The following VPS26A variants were observed in gnomAD, a reference collection of about 807,000 sequenced individuals.
VPS26A encodes the protein VPS26 retromer complex component A, also known as vacuolar protein sorting-associated protein 26A.
In VPS26A, 22 loss-of-function variants were observed where a neutral mutation model predicts 42.4. That is an observed-to-expected ratio of 0.52 (90% CI 0.37 to 0.74). The LOEUF (loss-of-function observed/expected upper bound fraction) is 0.74, where lower values mean the gene tolerates loss of function less well. Ranked by LOEUF, VPS26A falls within the 30% of genes least tolerant of loss-of-function variation. The pLI is 0.00. For synonymous variants in VPS26A, 110 were observed against 123.5 expected (o/e 0.89, Z 0.73); for missense variants, 276 against 379.2 (o/e 0.73, Z 2.26).
At chr10:69,133,549 T>G in intron 2 of VPS26A, 1 of 1,289,144 alleles carries the variant, frequency 7.8e-7, no homozygotes, top group South Asian at 1.2e-5. Context: ...GTAGAGGACT[T>G]GAGTACTTTT....
chr10:69,125,147 C>T (rs187954939), intron 1 of VPS26A, among the ~76,000 whole-genome samples: 1 of 152,326 alleles, frequency 6.6e-6, no homozygotes, highest in East Asian at 1.9e-4. Flanking sequence ...CCTAATACTA[C>T]CTGCTCTTCC....
intron 6 of VPS26A, among the ~76,000 whole-genome samples, chr10:69,164,013 C>T (rs1020032840): frequency 1.8e-4 from 27 of 152,032 alleles, no homozygotes; most frequent in Non-Finnish European, 3.7e-4. Flanking sequence ...GTGATCCGCC[C>T]GCCTCAGCCT....
chr10:69,161,682 C>T (rs1450980574), intron 5 of VPS26A: 6 of 364,974 alleles, frequency 1.6e-5, no homozygotes, highest in South Asian at 4.8e-5. Context: ...TTCTTCTTGT[C>T]ATCAACCGGG....
At position 69,133,066 on chromosome 10, in the gene VPS26A, A is replaced by G. The variant is rs769707588; in HGVS notation, c.153+19A>G. On this transcript the variant is annotated intron_variant, in intron 2 of 8. Transcript: ENST00000263559. ...AGGAAAGGTAAATCTTCTGTTTGAC[A>G]AAACTATCTAATTGTAAGATATCAG... 7 of 1,602,326 alleles carry G rather than the reference A, an allele frequency of 4.4e-6. No homozygotes were observed. The highest frequency in any genetic ancestry group is 1.8e-5 in the Admixed American group (1 of 56,682).
rs534432999 is a variant in VPS26A at position 69,140,655 on chromosome 10, G to C, written c.153+7608G>C. Among the ~76,000 whole-genome samples, 35 of 152,274 alleles carry C rather than the reference G, an allele frequency of 2.3e-4. No individual in the cohort carries two copies. In the South Asian group the frequency reaches 6.8e-3, roughly 30 times the overall value. On this transcript the variant is annotated intron_variant, in intron 2 of 8. Coordinates refer to ENST00000263559, the MANE Select transcript of VPS26A (RefSeq NM_004896.5). ...CTGTCTCAGCCTCCCAAAGTGCTGGGATTACAGGTGTGAACCACTGTGCCT... is the reference window on the plus strand; with the variant it reads ...CTGTCTCAGCCTCCCAAAGTGCTGGCATTACAGGTGTGAACCACTGTGCCT...
intron 6 of VPS26A, among the ~76,000 whole-genome samples, chr10:69,163,815 G>A (rs1841618462): frequency 6.7e-6 from 1 of 150,102 alleles, no homozygotes; most frequent in South Asian, 2.1e-4. Flanking sequence ...GCCCAGGCGG[G>A]AGTGCAGTGG....
intron 4 of VPS26A, 61 bp downstream of exon 4, chr10:69,157,224 G>T: frequency 6.7e-7 from 1 of 1,499,236 alleles, no homozygotes; most frequent in South Asian, 1.4e-5. Context: ...GACTACTGTT[G>T]ATATCTTATT....
chr10:69,163,851 C>T (rs67780792), intron 6 of VPS26A, among the ~76,000 whole-genome samples: 26,627 of 149,598 alleles, frequency 0.18, 2,764 homozygotes, highest in Non-Finnish European at 0.23. Context: ...CTGCAAGCTC[C>T]GCCTCCAGGG....
intron 2 of VPS26A, among the ~76,000 whole-genome samples, chr10:69,133,963 A>T (rs1459649437): frequency 6.6e-6 from 1 of 152,182 alleles, no homozygotes; most frequent in African/African-American, 2.4e-5. Flanking sequence ...CTGGGATTAC[A>T]GGTTTGAGCC....
chr10:69,158,519 C>G (rs556794865), intron 5 of VPS26A, among the ~76,000 whole-genome samples: 519 of 151,992 alleles, frequency 3.4e-3, no homozygotes, highest in African/African-American at 0.011. Flanking sequence ...CTCATCCTAG[C>G]CATCTCTTTT....
chr10:69,171,379 CAT>C lies in VPS26A; in HGVS notation c.*115_*116del, dbSNP rs1050030044. Reference sequence around the variant, plus strand: ...AGGGGGCGGAAAAAGGCCAAAACTCCATATATGTTAGTCTTCCTTTATCTTAC... The same window carrying C: ...AGGGGGCGGAAAAAGGCCAAAACTCCATATGTTAGTCTTCCTTTATCTTAC... On this transcript the variant is annotated 3_prime_UTR_variant, in exon 9 of 9. Transcript: ENST00000263559. The C allele has an allele frequency of 3.8e-6, 3 of 796,812 alleles. No homozygotes were observed. Among genetic ancestry groups the C allele is most frequent in the Non-Finnish European group, 6.1e-6 (3 of 488,062 alleles). 49.4% of individuals were successfully genotyped at this position (796,812 alleles called of 1,614,324 possible).
chr10:69,152,017 T>A (rs958587875), intron 2 of VPS26A, among the ~76,000 whole-genome samples: 17 of 152,054 alleles, frequency 1.1e-4, no homozygotes, highest in African/African-American at 3.4e-4. Context: ...CCTTTTTTTT[T>A]AAAGAGGCCT....
At chr10:69,124,923 G>C (rs766500504) in intron 1 of VPS26A, among the ~76,000 whole-genome samples, 2 of 152,198 alleles carry the variant, frequency 1.3e-5, no homozygotes, top group Non-Finnish European at 1.5e-5. Context: ...CCGTCCGCAA[G>C]CTATTTCGCT....
intron 3 of VPS26A, 110 bp from the exon 4 acceptor site, chr10:69,156,897 C>G (rs1419787192): frequency 7.7e-6 from 8 of 1,033,110 alleles, no homozygotes; most frequent in Non-Finnish European, 1.1e-5. Context: ...TTATTAGAGA[C>G]AAACTCAATA....
At chr10:69,139,894 A>G (rs992421958) in intron 2 of VPS26A, among the ~76,000 whole-genome samples, 1 of 151,834 alleles carries the variant, frequency 6.6e-6, no homozygotes, top group South Asian at 2.1e-4. Context: ...TCTTTCATGT[A>G]TTGTATCATT....
At position 69,168,485 on chromosome 10, in the gene VPS26A, T is replaced by C. The variant is rs755932482; in HGVS notation, c.728-4T>C. The C allele has an allele frequency of 2.5e-6, 4 of 1,608,760 alleles. No homozygotes were observed. The Admixed American group carries it at 6.9e-5, about 28-fold the overall frequency. ...GAATTAAGTAGAAATTCCTTTTCTT[T>C]CAGGTGAATCAATTCCAATAAGGCT... On this transcript the variant is annotated splice_polypyrimidine_tract_variant and splice_region_variant and intron_variant, in intron 7 of 8. Transcript: ENST00000263559.
chr10:69,142,785 A>G (rs1028163972), intron 2 of VPS26A, among the ~76,000 whole-genome samples: 1 of 152,272 alleles, frequency 6.6e-6, no homozygotes, highest in South Asian at 2.1e-4. Flanking sequence ...ATCATTAAAA[A>G]TTAAAACAGA....
intron 2 of VPS26A, among the ~76,000 whole-genome samples, chr10:69,142,801 A>G (rs1841072831): frequency 6.6e-6 from 1 of 152,124 alleles, no homozygotes; most frequent in Non-Finnish European, 1.5e-5. Context: ...ACAGAATGAA[A>G]GCTTTGTTAT....
Position 69,133,541 on chromosome 10 carries a change from A to G in VPS26A, c.153+494A>G, listed in dbSNP as rs1393922655. 7.0e-6 allele frequency: 9 copies of G among 1,287,820 alleles called. No individual in the cohort carries two copies. In the East Asian group the frequency reaches 4.4e-4, roughly 63 times the overall value. 79.8% of individuals were successfully genotyped at this position (1,287,820 alleles called of 1,614,324 possible). A position where few individuals can be genotyped will look rare whatever the true frequency, so the allele number is the denominator to read the frequency against. On this transcript the variant is annotated intron_variant, in intron 2 of 8. Transcript: ENST00000263559. ...TTGATCTTATTTCTAGGTACTCTGTAGAGGACTTGAGTACTTTTGGGATGT... is the reference window on the plus strand; with the variant it reads ...TTGATCTTATTTCTAGGTACTCTGTGGAGGACTTGAGTACTTTTGGGATGT...
Sources: allele counts gnomAD v4.1 joint callset (sites outside exome capture counted in the v4.1 genomes callset), GRCh38; gene constraint gnomAD v4.1.1; transcripts MANE v1.5; gene names NCBI Gene and HGNC (gene_info 2026-07-23, HGNC 2026-07-21).